EFCAB14: variants seen among roughly 807,000 people sequenced by gnomAD.
The protein encoded by EFCAB14 is EF-hand calcium-binding domain-containing protein 14.
Under a neutral mutation model 56.5 loss-of-function variants are expected in EFCAB14, and 43 were observed. The observed-to-expected ratio is 0.76, with a 90% confidence interval of 0.60 to 0.98. The LOEUF (loss-of-function observed/expected upper bound fraction) is 0.98. EFCAB14 is among the 50% of genes least tolerant of loss of function. EFCAB14 has a pLI of 0.00. For missense variants in EFCAB14, 538 were observed against 580.3 expected, an observed-to-expected ratio of 0.93 and a Z score of 0.75; for synonymous variants, 235 against 212.9, an observed-to-expected ratio of 1.10 and a Z score of -0.90.
At chr1:46,717,392 T>G (rs987520642) in intron 1 of EFCAB14, among the ~76,000 whole-genome samples, 2 of 152,154 alleles carry the variant, frequency 1.3e-5, no homozygotes, top group Non-Finnish European at 2.9e-5. Flanking sequence ...CACCTATGAA[T>G]GGCTAGGGAA....
In EFCAB14 at chr1:46,676,067, A is replaced by G. The variant is rs1676690181; in HGVS notation, c.*2394T>C. 6.6e-6 allele frequency: 1 copy of G among 152,234 alleles called. No homozygotes were observed. The allele number at this position is 152,234 out of a possible 1,614,324, so 9.4% of individuals were successfully genotyped here. ...GGCTTAGTAAGTTAAGACAACATACAAATAAAAGTCCCAAATTCACACTAA... is the reference window on the plus strand; with the variant it reads ...GGCTTAGTAAGTTAAGACAACATACGAATAAAAGTCCCAAATTCACACTAA... On this transcript the variant is annotated 3_prime_UTR_variant, in exon 11 of 11. Coordinates refer to ENST00000371933, the MANE Select transcript of EFCAB14 (RefSeq NM_014774.3).
rs899631168 is a variant in EFCAB14, at chr1:46,719,108, T to G, written c.-1021A>C. The G allele has an allele frequency of 6.5e-6, 1 of 153,502 alleles. No homozygotes were observed. The highest frequency in any genetic ancestry group is 1.5e-5 in the Non-Finnish European group (1 of 68,684). 9.5% of individuals were successfully genotyped at this position (153,502 alleles called of 1,614,324 possible). A position where few individuals can be genotyped will look rare whatever the true frequency, so the allele number is the denominator to read the frequency against. On this transcript the variant is annotated 5_prime_UTR_variant, in exon 1 of 11. Coordinates refer to ENST00000371933, the MANE Select transcript of EFCAB14 (RefSeq NM_014774.3). This position sits in a 1 kb window ranked among gnomAD's most constrained non-coding sequence, Gnocchi z 4.0. ...CCCGGGCCATCGCTCCAGCCCCAGA[T>G]CACTTCCCCTTTGGCAGCGGCCGCC...
At chr1:46,698,978 A>G (rs941550792) in intron 3 of EFCAB14, among the ~76,000 whole-genome samples, 2 of 151,988 alleles carry the variant, frequency 1.3e-5, no homozygotes, top group Non-Finnish European at 2.9e-5. Flanking sequence ...TTTAGACTTG[A>G]GTGGTAGTAG....
rs1676965388 is a variant in EFCAB14, at chr1:46,689,994, TG to T, written c.691-304del. On this transcript the variant is annotated intron_variant, in intron 5 of 10. Transcript: ENST00000371933. ...ACCATTTCTCCTTTGCCCCATTGCC[TG>T]TGCTCCCAGAGAAACTATAGCATCA... Among the ~76,000 whole-genome samples the T allele has an allele frequency of 2.0e-5, 3 of 152,306 alleles. No homozygotes were observed. In the South Asian group the frequency reaches 6.2e-4, roughly 32 times the overall value.
intron 10 of EFCAB14, among the ~76,000 whole-genome samples, chr1:46,682,778 C>T (rs920998713): frequency 3.9e-5 from 6 of 152,220 alleles, no homozygotes; most frequent in African/African-American, 1.4e-4. Flanking sequence ...AATCCCAGCA[C>T]TTCAGTAGGC....
rs1341162595 is a variant in EFCAB14, at chr1:46,677,749, A to G, written c.*712T>C. 6.6e-6 allele frequency: 1 copy of G among 152,234 alleles called. No homozygotes were observed. The highest frequency in any genetic ancestry group is 1.5e-5 in the Non-Finnish European group (1 of 68,046). 9.4% of individuals were successfully genotyped at this position (152,234 alleles called of 1,614,324 possible). On this transcript the variant is annotated 3_prime_UTR_variant, in exon 11 of 11. Coordinates refer to ENST00000371933, the MANE Select transcript of EFCAB14 (RefSeq NM_014774.3). ...GGATTAGCTGAGGGAATAGGAACAA[A>G]GAACCAGAATCCTACTTCCATGAGC... is the stretch of plus-strand genomic sequence containing the variant.
intron 3 of EFCAB14, among the ~76,000 whole-genome samples, chr1:46,705,873 T>C (rs1399833323): frequency 6.6e-6 from 1 of 152,096 alleles, no homozygotes; most frequent in Non-Finnish European, 1.5e-5. Flanking sequence ...ACTTTTTTTT[T>C]CTTTTTTTTG....
chr1:46,699,949 G>A (rs938620793), intron 3 of EFCAB14, among the ~76,000 whole-genome samples: 1 of 152,184 alleles, frequency 6.6e-6, no homozygotes. Flanking sequence ...GGACACTCGA[G>A]TAGCCCCAGA....
Position 46,678,219 on chromosome 1 carries a change from C to G in EFCAB14, c.*242G>C, listed in dbSNP as rs1160237640. On this transcript the variant is annotated 3_prime_UTR_variant, in exon 11 of 11. Coordinates refer to ENST00000371933, the MANE Select transcript of EFCAB14 (RefSeq NM_014774.3). ...AAGAGGGCTTTAATTTTTTTTCTGGCAATTTTAAAATGTAAGATCTTACTG... is the reference window on the plus strand; with the variant it reads ...AAGAGGGCTTTAATTTTTTTTCTGGGAATTTTAAAATGTAAGATCTTACTG... 2.9e-6 allele frequency: 1 copy of G among 339,190 alleles called. No homozygotes were observed. The highest frequency in any genetic ancestry group is 5.2e-5 in the East Asian group (1 of 19,278). The allele number at this position is 339,190 out of a possible 1,614,324, so 21.0% of individuals were successfully genotyped here.
At chr1:46,701,095 A>G (rs528683511) in intron 3 of EFCAB14, among the ~76,000 whole-genome samples, 2 of 152,278 alleles carry the variant, frequency 1.3e-5, no homozygotes, top group South Asian at 2.1e-4. Context: ...TAAACCTTAT[A>G]TAAGAATCCA....
chr1:46,710,166 AGGGCTTCATTAT>A, intron 2 of EFCAB14, among the ~76,000 whole-genome samples: 1 of 152,224 alleles, frequency 6.6e-6, no homozygotes, highest in East Asian at 1.9e-4. Flanking sequence ...TGTTTGCCAA[AGGGCTTCATTAT>A]AATGACAGAC....
chr1:46,687,977 G>A (rs1286085721), intron 7 of EFCAB14, among the ~76,000 whole-genome samples: 5 of 152,052 alleles, frequency 3.3e-5, no homozygotes, highest in African/African-American at 1.2e-4. Flanking sequence ...CATTTTCATG[G>A]CTCCCACCCC....
At chr1:46,688,817 T>C (rs974874114) in intron 6 of EFCAB14, among the ~76,000 whole-genome samples, 3 of 152,206 alleles carry the variant, frequency 2.0e-5, no homozygotes, top group African/African-American at 4.8e-5. Flanking sequence ...AGCTTGGGAA[T>C]TGATTTCCCC....
chr1:46,714,430 A>C (rs1444735907), intron 2 of EFCAB14, among the ~76,000 whole-genome samples: 2 of 123,504 alleles, frequency 1.6e-5, no homozygotes, highest in Admixed American at 8.3e-5. Flanking sequence ...CAGTGTTGCT[A>C]AAAAAAAAAA....
chr1:46,717,454 C>T (rs755435883), intron 1 of EFCAB14, among the ~76,000 whole-genome samples: 1 of 152,190 alleles, frequency 6.6e-6, no homozygotes, highest in African/African-American at 2.4e-5. Flanking sequence ...AAGGCTCATA[C>T]TTCCTACAGT....
chr1:46,699,886 T>A (rs1677130713), intron 3 of EFCAB14, among the ~76,000 whole-genome samples: 1 of 152,160 alleles, frequency 6.6e-6, no homozygotes, highest in African/African-American at 2.4e-5. Context: ...TATGCCTTCT[T>A]CTTTGCTCTC....
intron 4 of EFCAB14, 74 bp downstream of exon 4, chr1:46,696,477 C>G (rs750574345): frequency 7.1e-7 from 1 of 1,405,804 alleles, no homozygotes; most frequent in Non-Finnish European, 9.9e-7. Context: ...TTATAAGAAG[C>G]TAGAATTATG....
chr1:46,706,725 T>TA (rs1677238528), intron 3 of EFCAB14, among the ~76,000 whole-genome samples: 1 of 152,204 alleles, frequency 6.6e-6, no homozygotes, highest in African/African-American at 2.4e-5. Flanking sequence ...TCTAATTACT[T>TA]AGAGTCCAAA....
At chr1:46,716,544 T>A in intron 1 of EFCAB14, 101 bp from the exon 2 acceptor site, 1 of 1,343,318 alleles carries the variant, frequency 7.4e-7, no homozygotes, top group Middle Eastern at 1.8e-4. Context: ...CTCCTTTAAA[T>A]GAATAACCAG....
Sources: allele counts gnomAD v4.1 joint callset (sites outside exome capture counted in the v4.1 genomes callset), GRCh38; gene constraint gnomAD v4.1.1; non-coding constraint Gnocchi (gnomAD v3.1); transcripts MANE v1.5; gene names NCBI Gene and HGNC (gene_info 2026-07-23, HGNC 2026-07-21).